Variants in METAP1 observed in about 807,000 individuals in gnomAD.
METAP1 encodes the protein methionyl aminopeptidase 1.
In METAP1, 28 loss-of-function variants were observed where a neutral mutation model predicts 53.8. The ratio of observed to expected loss-of-function variants is 0.52; its 90% CI spans 0.39 to 0.71. The LOEUF (loss-of-function observed/expected upper bound fraction) is 0.71. Among genes scored for constraint, METAP1 ranks in the 30% least tolerant of loss-of-function variants. The probability of loss-of-function intolerance (pLI) is 0.00; values close to 1 mark genes in which losing one functional copy is unlikely to be tolerated. For missense variants in METAP1, 389 were observed against 479.8 expected, an observed-to-expected ratio of 0.81 and a Z score of 1.77; for synonymous variants, 181 against 165.7, an observed-to-expected ratio of 1.09 and a Z score of -0.71.
chr4:99,016,611 A>G (rs1723782970), intron 1 of METAP1, among the ~76,000 whole-genome samples: 1 of 152,244 alleles, frequency 6.6e-6, no homozygotes, highest in Non-Finnish European at 1.5e-5. Context: ...CCTCTACCCA[A>G]TGAGTGATGT....
chr4:99,036,245 G>C (rs1725411380), intron 4 of METAP1, among the ~76,000 whole-genome samples: 1 of 152,072 alleles, frequency 6.6e-6, no homozygotes, highest in African/African-American at 2.4e-5. Flanking sequence ...TCTCTAAGAA[G>C]TGGGGAACTG....
Position 99,023,089 on chromosome 4 carries a change from G to T in METAP1, c.115-5778G>T, listed in dbSNP as rs559455733. Reference sequence around the variant, plus strand: ...TAGTGTCTGGTCTGTCCCTTCCAGCGCCTTTGCTCTGTTGCGGCCTTCTCC... The same window carrying T: ...TAGTGTCTGGTCTGTCCCTTCCAGCTCCTTTGCTCTGTTGCGGCCTTCTCC... On this transcript the variant is annotated intron_variant, in intron 1 of 10. Transcript: ENST00000296411. 5 of 1,228,756 alleles carry T rather than the reference G, an allele frequency of 4.1e-6. No individual in the cohort carries two copies. The East Asian group carries it at 1.5e-4, about 37-fold the overall frequency. The allele number at this position is 1,228,756 out of a possible 1,614,324, so 76.1% of individuals were successfully genotyped here.
chr4:99,016,325 A>G (rs976767560), intron 1 of METAP1, among the ~76,000 whole-genome samples: 9 of 152,170 alleles, frequency 5.9e-5, no homozygotes, highest in African/African-American at 2.2e-4. Context: ...GAATAAAGCA[A>G]TAGGGAGGCA....
chr4:99,038,051 T>C (rs1158178045), intron 4 of METAP1: 1 of 152,000 alleles, frequency 6.6e-6, no homozygotes, highest in Non-Finnish European at 1.5e-5. Flanking sequence ...ACTTCATCTT[T>C]TTAGTTGTTT....
intron 1 of METAP1, among the ~76,000 whole-genome samples, chr4:98,996,282 C>T (rs1234578481): frequency 6.6e-6 from 1 of 152,232 alleles, no homozygotes; most frequent in African/African-American, 2.4e-5. Flanking sequence ...ATCCGCAGCA[C>T]CGGCGGGGCT....
At chr4:99,012,465 G>A (rs1165237060) in intron 1 of METAP1, among the ~76,000 whole-genome samples, 1 of 151,694 alleles carries the variant, frequency 6.6e-6, no homozygotes, top group Non-Finnish European at 1.5e-5. Flanking sequence ...AGTAGAGACA[G>A]GGTTTCACCA....
chr4:99,008,892 TA>T (rs889348466), intron 1 of METAP1, among the ~76,000 whole-genome samples: 24 of 152,214 alleles, frequency 1.6e-4, no homozygotes, highest in African/African-American at 5.3e-4. Context: ...AAATTTGTTA[TA>T]AAAAACATTT....
intron 5 of METAP1, among the ~76,000 whole-genome samples, chr4:99,039,772 T>C (rs1247187540): frequency 6.6e-6 from 1 of 152,164 alleles, no homozygotes; most frequent in Non-Finnish European, 1.5e-5. Flanking sequence ...TTTTGTATTT[T>C]TAGTAGAGAT....
intron 9 of METAP1, 138 bp from the exon 10 acceptor site, chr4:99,057,615 G>A: frequency 1.5e-6 from 1 of 659,420 alleles, no homozygotes; most frequent in Non-Finnish European, 2.6e-6. Flanking sequence ...CCTGTTTGTT[G>A]AACTTTAAGA....
In METAP1 at chr4:99,029,249, G is replaced by A. The variant is rs533810154; in HGVS notation, c.166+331G>A. On this transcript the variant is annotated intron_variant, in intron 2 of 10. Coordinates refer to ENST00000296411, the MANE Select transcript of METAP1 (RefSeq NM_015143.3). ...TTTGCATATTGTAGTCAGGGATTAT[G>A]TGAGTGATTTGGCTTCATTTAACCA... is the stretch of plus-strand genomic sequence containing the variant. Among the ~76,000 whole-genome samples the A allele has an allele frequency of 7.9e-5, 12 of 152,272 alleles. No homozygotes were observed. The South Asian group carries it at 2.5e-3, about 32-fold the overall frequency.
chr4:99,008,533 T>C (rs1040457834), intron 1 of METAP1, among the ~76,000 whole-genome samples: 2 of 152,228 alleles, frequency 1.3e-5, no homozygotes, highest in African/African-American at 4.8e-5. Context: ...TGGTTTCTTA[T>C]CTTTCCAGAT....
intron 4 of METAP1, among the ~76,000 whole-genome samples, chr4:99,038,215 C>A (rs1432874952): frequency 6.6e-6 from 1 of 151,970 alleles, no homozygotes; most frequent in Non-Finnish European, 1.5e-5. Context: ...GATACATAAT[C>A]ACATCTGAAA....
chr4:99,031,946 G>A (rs2110339524), intron 2 of METAP1, among the ~76,000 whole-genome samples: 1 of 152,264 alleles, frequency 6.6e-6, no homozygotes, highest in South Asian at 2.1e-4. Context: ...ATACTGCCCT[G>A]TTGTTGTACA....
intron 4 of METAP1, chr4:99,037,698 TA>T (rs1425507994): frequency 6.6e-6 from 1 of 151,972 alleles, no homozygotes; most frequent in Non-Finnish European, 1.5e-5. Context: ...GCCAAACTTT[TA>T]ATTATCATAG....
intron 1 of METAP1, among the ~76,000 whole-genome samples, chr4:99,014,701 A>G (rs1723655529): frequency 6.6e-6 from 1 of 152,132 alleles, no homozygotes; most frequent in Non-Finnish European, 1.5e-5. Context: ...TGCCAGGGTA[A>G]AAGGGATAGC....
At chr4:99,050,334 A>T (rs1422339093) in intron 9 of METAP1, among the ~76,000 whole-genome samples, 1 of 152,206 alleles carries the variant, frequency 6.6e-6, no homozygotes, top group Non-Finnish European at 1.5e-5. Flanking sequence ...AGAATGGCAT[A>T]ATGAAGCTGA....
intron 1 of METAP1, chr4:99,025,473 A>T: frequency 1.0e-6 from 1 of 981,686 alleles, no homozygotes; most frequent in Non-Finnish European, 1.2e-6. Flanking sequence ...CTACATAGCA[A>T]ATTCCCAGAG....
chr4:99,022,877 G>T, intron 1 of METAP1: 1 of 1,530,228 alleles, frequency 6.5e-7, no homozygotes, highest in Non-Finnish European at 8.8e-7. Context: ...CCTTCTTTTT[G>T]CATCTCACAA....
At chr4:99,007,991 G>A (rs1472640233) in intron 1 of METAP1, among the ~76,000 whole-genome samples, 1 of 152,126 alleles carries the variant, frequency 6.6e-6, no homozygotes, top group South Asian at 2.1e-4. Context: ...TAGAAGAAGG[G>A]GTAGTGACAT....
Sources: allele counts gnomAD v4.1 joint callset (sites outside exome capture counted in the v4.1 genomes callset), GRCh38; gene constraint gnomAD v4.1.1; transcripts MANE v1.5; gene names NCBI Gene and HGNC (gene_info 2026-07-23, HGNC 2026-07-21).